Variants in GALNT18 observed in about 807,000 individuals in gnomAD.
GALNT18 encodes polypeptide N-acetylgalactosaminyltransferase 18.
Under a neutral mutation model 69.5 loss-of-function variants are expected in GALNT18, and 44 were observed. That is an observed-to-expected ratio of 0.63 (90% CI 0.50 to 0.81). GALNT18 has a LOEUF of 0.81. Ranked by LOEUF, GALNT18 falls within the 40% of genes least tolerant of loss-of-function variation. The pLI, the probability that GALNT18 is intolerant of heterozygous loss-of-function variation, is 0.00. For missense variants in GALNT18, 715 were observed against 810.0 expected, an observed-to-expected ratio of 0.88 and a Z score of 1.42; for synonymous variants, 364 against 318.2, an observed-to-expected ratio of 1.14 and a Z score of -1.53.
chr11:11,332,524 G>T lies in GALNT18; in HGVS notation c.1416+170C>A, dbSNP rs976834306. ...CTCTCAAGGGACTGGAGGGGTTTGG[G>T]CTGTAAAAGTAAAGGCTGTCTTGCA... On this transcript the variant is annotated intron_variant, in intron 8 of 10. Coordinates refer to ENST00000227756, the MANE Select transcript of GALNT18 (RefSeq NM_198516.3). The surrounding 1 kb of genome is among the most constrained non-coding windows in gnomAD (Gnocchi z 4.3). Among the ~76,000 whole-genome samples, 8 of 152,204 alleles carry T rather than the reference G, an allele frequency of 5.3e-5. No homozygotes were observed. Among genetic ancestry groups the T allele is most frequent in the Non-Finnish European group, 1.0e-4 (7 of 68,038 alleles).
At chr11:11,363,016 A>C (rs1421773348) in intron 6 of GALNT18, among the ~76,000 whole-genome samples, 3 of 152,218 alleles carry the variant, frequency 2.0e-5, no homozygotes, top group African/African-American at 4.8e-5. Context: ...GTTATAGAAC[A>C]ATCTTCAGAA....
At chr11:11,484,048 A>G (rs1856590556) in intron 1 of GALNT18, among the ~76,000 whole-genome samples, 1 of 152,202 alleles carries the variant, frequency 6.6e-6, no homozygotes, top group South Asian at 2.1e-4. Flanking sequence ...GGGACTTTCC[A>G]TGCATTTCTC....
intron 10 of GALNT18, among the ~76,000 whole-genome samples, chr11:11,290,664 C>A (rs1849280967): frequency 1.3e-5 from 2 of 152,186 alleles, no homozygotes; most frequent in African/African-American, 4.8e-5. Flanking sequence ...TCTTAACATT[C>A]ATTCCCAATT....
intron 2 of GALNT18, among the ~76,000 whole-genome samples, chr11:11,438,183 T>A (rs982488974): frequency 6.6e-6 from 1 of 152,212 alleles, no homozygotes; most frequent in Non-Finnish European, 1.5e-5. Flanking sequence ...CTGGCCTTAC[T>A]CAGATACATC....
chr11:11,359,247 AG>A lies in GALNT18; in HGVS notation c.1092+13267del, dbSNP rs1181942184. ...GAGATTACTCAGACCTCTAGGTCCAAGGCCTTTGGGGAGAACCACATACCCA... is the reference window on the plus strand; with the variant it reads ...GAGATTACTCAGACCTCTAGGTCCAAGCCTTTGGGGAGAACCACATACCCA... On this transcript the variant is annotated intron_variant, in intron 6 of 10. Transcript: ENST00000227756. Among the ~76,000 whole-genome samples, 2 of 141,006 alleles carry A rather than the reference AG, an allele frequency of 1.4e-5. 1 individual carries two copies. The highest frequency in any genetic ancestry group is 3.2e-5 in the Non-Finnish European group (2 of 62,970). The allele number at this position is 141,006 out of a possible 152,430, so 92.5% of individuals were successfully genotyped here. A position where few individuals can be genotyped will look rare whatever the true frequency, so the allele number is the denominator to read the frequency against.
At position 11,614,513 on chromosome 11, in the gene GALNT18, G is replaced by A. The variant is rs564101308; in HGVS notation, c.235+6846C>T. ...CATTCATACAAACACCTCCCACTAG[G>A]CCCCACCTCAAACACTGGGGACCAC... On this transcript the variant is annotated intron_variant, in intron 1 of 10. Transcript: ENST00000227756. This position sits in a 1 kb window ranked among gnomAD's most constrained non-coding sequence, Gnocchi z 5.6. 6.6e-6 allele frequency among the ~76,000 whole-genome samples: 1 copy of A among 152,174 alleles called. No homozygotes were observed. The highest frequency in any genetic ancestry group is 2.4e-5 in the African/African-American group (1 of 41,502).
intron 1 of GALNT18, among the ~76,000 whole-genome samples, chr11:11,521,461 G>A (rs1857397564): frequency 6.6e-6 from 1 of 151,958 alleles, no homozygotes; most frequent in Non-Finnish European, 1.5e-5. Context: ...TCCCTTCATA[G>A]TGACTTGCTC....
intron 1 of GALNT18, among the ~76,000 whole-genome samples, chr11:11,521,033 C>T (rs1185352259): frequency 6.6e-6 from 1 of 152,030 alleles, no homozygotes; most frequent in Admixed American, 6.5e-5. Context: ...GGCTACCTGG[C>T]TGTATCCTCC....
intron 3 of GALNT18, among the ~76,000 whole-genome samples, chr11:11,412,985 T>G (rs1235759103): frequency 6.6e-6 from 1 of 152,140 alleles, no homozygotes; most frequent in Non-Finnish European, 1.5e-5. Context: ...AGGGGGATCA[T>G]TCTAAGGCAT....
chr11:11,601,646 CTTTGAGGCCAGTT>C lies in GALNT18; in HGVS notation c.235+19700_235+19712del. Among the ~76,000 whole-genome samples the C allele has an allele frequency of 1.3e-5, 2 of 152,210 alleles. No homozygotes were observed. The highest frequency in any genetic ancestry group is 4.2e-4 in the South Asian group (2 of 4,816). On this transcript the variant is annotated intron_variant, in intron 1 of 10. Coordinates refer to ENST00000227756, the MANE Select transcript of GALNT18 (RefSeq NM_198516.3). This position sits in a 1 kb window ranked among gnomAD's most constrained non-coding sequence, Gnocchi z 4.0. ...TGGGGGTTCTTTTGGCAGGGATTTT[CTTTGAGGCCAGTT>C]TTTGAGGCTTTCTTTGACCATAGGA...
At chr11:11,419,619 A>AC (rs1554932032) in intron 3 of GALNT18, among the ~76,000 whole-genome samples, 10 of 128,356 alleles carry the variant, frequency 7.8e-5, no homozygotes, top group African/African-American at 2.8e-4. Flanking sequence ...AAAAAAAAAA[A>AC]AAAGAAAGAA....
intron 1 of GALNT18, among the ~76,000 whole-genome samples, chr11:11,593,362 C>T (rs1395908073): frequency 1.3e-5 from 2 of 152,142 alleles, no homozygotes; most frequent in Non-Finnish European, 2.9e-5. Context: ...ACTTTGTCAG[C>T]TCATGAGTCT....
chr11:11,524,241 G>A (rs1857468942), intron 1 of GALNT18, among the ~76,000 whole-genome samples: 1 of 152,154 alleles, frequency 6.6e-6, no homozygotes, highest in Admixed American at 6.5e-5. Flanking sequence ...AATGACACAT[G>A]TCTAACAAAT....
At chr11:11,321,030 C>A (rs1181678856) in intron 9 of GALNT18, among the ~76,000 whole-genome samples, 3 of 152,198 alleles carry the variant, frequency 2.0e-5, no homozygotes, top group African/African-American at 7.2e-5. Flanking sequence ...GGAGACCCAA[C>A]CCTTTGAGAC....
rs533602354 is a variant in GALNT18, at chr11:11,399,490, A to G, written c.596-20226T>C. 1.5e-3 allele frequency among the ~76,000 whole-genome samples: 225 copies of G among 152,324 alleles called. 1 individual carries two copies. Among genetic ancestry groups the G allele is most frequent in the African/African-American group, 4.9e-3 (204 of 41,578 alleles). ...TAGTTTTTTTTATCAGAACAAGTCAATAAATACATCACATTTCTTTAACAG... is the reference window on the plus strand; with the variant it reads ...TAGTTTTTTTTATCAGAACAAGTCAGTAAATACATCACATTTCTTTAACAG... On this transcript the variant is annotated intron_variant, in intron 3 of 10. Transcript: ENST00000227756.
At position 11,617,634 on chromosome 11, in the gene GALNT18, T is replaced by A. The variant is rs1477953600; in HGVS notation, c.235+3725A>T. Among the ~76,000 whole-genome samples, 1 of 152,240 alleles carries A rather than the reference T, an allele frequency of 6.6e-6. No homozygotes were observed. The highest frequency in any genetic ancestry group is 1.5e-5 in the Non-Finnish European group (1 of 68,038). ...AACTGATTTTTAGGGTAGAATGAATTATGGGCAATTTTATGCATTTTTAAA... is the reference window on the plus strand; with the variant it reads ...AACTGATTTTTAGGGTAGAATGAATAATGGGCAATTTTATGCATTTTTAAA... On this transcript the variant is annotated intron_variant, in intron 1 of 10. Transcript: ENST00000227756. This position sits in a 1 kb window ranked among gnomAD's most constrained non-coding sequence, Gnocchi z 4.7.
At chr11:11,451,085 A>G (rs537041667) in intron 1 of GALNT18, among the ~76,000 whole-genome samples, 3 of 152,322 alleles carry the variant, frequency 2.0e-5, no homozygotes, top group East Asian at 3.9e-4. Flanking sequence ...AATAAAATGC[A>G]AACTATGCAA....
Position 11,272,636 on chromosome 11 carries a change from C to T in GALNT18, c.1678-1346G>A, listed in dbSNP as rs149120643. ...TGCACTTTAAGCAAGCTGTGCTCTC[C>T]GCTTGGGATTCTTCCCCATGCTCCC... On this transcript the variant is annotated intron_variant, in intron 10 of 10. Coordinates refer to ENST00000227756, the MANE Select transcript of GALNT18 (RefSeq NM_198516.3). Among the ~76,000 whole-genome samples, 864 of 152,304 alleles carry T rather than the reference C, an allele frequency of 5.7e-3. 8 individuals are homozygous for T. Among genetic ancestry groups the T allele is most frequent in the African/African-American group, 0.019 (803 of 41,548 alleles).
At position 11,543,243 on chromosome 11, in the gene GALNT18, G is replaced by A. The variant is rs1857966998; in HGVS notation, c.235+78116C>T. ...TTTGGAAAGTTGTTAATTCCAGCCAGGCTGATCTGTGATCATTGCAAGTTG... is the reference window on the plus strand; with the variant it reads ...TTTGGAAAGTTGTTAATTCCAGCCAAGCTGATCTGTGATCATTGCAAGTTG... On this transcript the variant is annotated intron_variant, in intron 1 of 10. Transcript: ENST00000227756. The surrounding 1 kb of genome is among the most constrained non-coding windows in gnomAD (Gnocchi z 5.1). Among the ~76,000 whole-genome samples the A allele has an allele frequency of 6.6e-6, 1 of 152,232 alleles. No individual in the cohort carries two copies. Among genetic ancestry groups the A allele is most frequent in the South Asian group, 2.1e-4 (1 of 4,832 alleles).
Sources: allele counts gnomAD v4.1 joint callset (sites outside exome capture counted in the v4.1 genomes callset), GRCh38; gene constraint gnomAD v4.1.1; non-coding constraint Gnocchi (gnomAD v3.1); transcripts MANE v1.5; gene names NCBI Gene and HGNC (gene_info 2026-07-23, HGNC 2026-07-21).